Variants in FLVCR2 observed in about 807,000 individuals in gnomAD.
FLVCR2 encodes the protein FLVCR choline and putative heme transporter 2.
FLVCR2 carries 38 observed loss-of-function variants against 48.9 expected under a neutral mutation model. The ratio of observed to expected loss-of-function variants is 0.78; its 90% confidence interval spans 0.60 to 1.02. The LOEUF is 1.02. FLVCR2 is among the 50% of genes least tolerant of loss of function. FLVCR2 has a pLI of 0.00. For missense variants in FLVCR2, 664 were observed against 663.3 expected (o/e 1.00, Z -0.01); for synonymous variants, 255 against 257.0 (o/e 0.99, Z 0.07).
At chr14:75,631,932 C>A in intron 3 of FLVCR2, 1 of 440,472 alleles carries the variant, frequency 2.3e-6, no homozygotes. Flanking sequence ...TGTTTGGGGA[C>A]ATGTCTGGGT....
intron 1 of FLVCR2, among the ~76,000 whole-genome samples, chr14:75,612,184 C>A (rs1400854056): frequency 6.9e-6 from 1 of 144,530 alleles, no homozygotes; most frequent in African/African-American, 2.4e-5. Flanking sequence ...GTGCTTTGAG[C>A]ACAGTGTATC....
At chr14:75,605,499 T>G (rs1208443408) in intron 1 of FLVCR2, 10 of 1,527,840 alleles carry the variant, frequency 6.5e-6, no homozygotes, top group Non-Finnish European at 7.9e-6. Flanking sequence ...CATCTTTCCT[T>G]TTTCATGCTG....
chr14:75,629,684 T>TA (rs1889992508), intron 3 of FLVCR2, among the ~76,000 whole-genome samples: 1 of 152,256 alleles, frequency 6.6e-6, no homozygotes, highest in Non-Finnish European at 1.5e-5. Flanking sequence ...AATGTCTTAT[T>TA]ATCAATGGCA....
In FLVCR2 at chr14:75,624,363, A is replaced by G. The variant is rs1889841227; in HGVS notation, c.812-249A>G. Among the ~76,000 whole-genome samples, 3 of 152,186 alleles carry G rather than the reference A, an allele frequency of 2.0e-5. 1 individual carries two copies. The highest frequency in any genetic ancestry group is 7.2e-5 in the African/African-American group (3 of 41,484). On this transcript the variant is annotated intron_variant, in intron 2 of 9. Transcript: ENST00000238667. ...GCGAGACTCCGTCTCAAAAAAAATAAAGAAAAAAAAAAAGAAAATGGCATA... is the reference window on the plus strand; with the variant it reads ...GCGAGACTCCGTCTCAAAAAAAATAGAGAAAAAAAAAAAGAAAATGGCATA...
chr14:75,633,543 C>G, intron 3 of FLVCR2, 86 bp from the exon 4 acceptor site: 1 of 1,053,576 alleles, frequency 9.5e-7, no homozygotes. Context: ...GGATTTCTGC[C>G]CACCCCCCAA....
At chr14:75,612,826 A>G (rs186188568) in intron 1 of FLVCR2, among the ~76,000 whole-genome samples, 1 of 152,308 alleles carries the variant, frequency 6.6e-6, no homozygotes, top group Non-Finnish European at 1.5e-5. Context: ...ACATGTCCCA[A>G]GGTAGCTTGC....
chr14:75,609,480 G>A (rs1005128912), intron 1 of FLVCR2, among the ~76,000 whole-genome samples: 3 of 152,202 alleles, frequency 2.0e-5, no homozygotes, highest in African/African-American at 7.2e-5. Flanking sequence ...TTTGGTGTAA[G>A]CTTGAGATTT....
intron 1 of FLVCR2, among the ~76,000 whole-genome samples, chr14:75,620,035 T>A (rs1399040207): frequency 6.6e-6 from 1 of 152,206 alleles, no homozygotes; most frequent in Non-Finnish European, 1.5e-5. Flanking sequence ...GTCTGTATCT[T>A]TCCTCACTCT....
At chr14:75,596,413 A>G (rs1438170226) in intron 1 of FLVCR2, among the ~76,000 whole-genome samples, 1 of 152,214 alleles carries the variant, frequency 6.6e-6, no homozygotes, top group Non-Finnish European at 1.5e-5. Context: ...AAGCAGGCCT[A>G]GTAAAAATGA....
intron 2 of FLVCR2, 49 bp downstream of exon 2, chr14:75,622,269 G>A: frequency 6.3e-7 from 1 of 1,583,444 alleles, no homozygotes; most frequent in East Asian, 2.2e-5. Context: ...AAGGGGCAGG[G>A]AGATTCTGCT....
At chr14:75,593,064 G>C (rs189682551) in intron 1 of FLVCR2, among the ~76,000 whole-genome samples, 1 of 152,294 alleles carries the variant, frequency 6.6e-6, no homozygotes, top group East Asian at 1.9e-4. Context: ...TCTCTGAGAA[G>C]TTCCAAACGT....
Position 75,641,914 on chromosome 14 carries a change from C to A in FLVCR2, c.1509+16C>A. 2 of 1,612,398 alleles carry A rather than the reference C, an allele frequency of 1.2e-6. No individual in the cohort carries two copies. The highest frequency in any genetic ancestry group is 2.2e-5 in the East Asian group (1 of 44,882). On this transcript the variant is annotated intron_variant, in intron 9 of 9. Transcript: ENST00000238667. The stretch of plus-strand genomic sequence containing the variant: ...TCTTGAGAACGTGAGTATATGGGAG[C>A]TTTGTGGGGCTGAGATCGGGGTCCA...
chr14:75,623,567 C>T lies in FLVCR2; in HGVS notation c.812-1045C>T, dbSNP rs111372514. On this transcript the variant is annotated intron_variant, in intron 2 of 9. Coordinates refer to ENST00000238667, the MANE Select transcript of FLVCR2 (RefSeq NM_017791.3). ...TATATAATTGGGTACCTCATTCAACCGTTCTCATTGCATTGTTCCCCACCA... is the reference window on the plus strand; with the variant it reads ...TATATAATTGGGTACCTCATTCAACTGTTCTCATTGCATTGTTCCCCACCA... Among the ~76,000 whole-genome samples, 653 of 152,134 alleles carry T rather than the reference C, an allele frequency of 4.3e-3. 8 individuals are homozygous for T. Among genetic ancestry groups the T allele is most frequent in the African/African-American group, 0.015 (615 of 41,508 alleles).
At chr14:75,611,389 G>A (rs1168481785) in intron 1 of FLVCR2, among the ~76,000 whole-genome samples, 1 of 152,138 alleles carries the variant, frequency 6.6e-6, no homozygotes, top group Non-Finnish European at 1.5e-5. Context: ...AGTTTTGCCA[G>A]GAGAAGCTGT....
intron 1 of FLVCR2, among the ~76,000 whole-genome samples, chr14:75,581,209 G>A (rs1461812035): frequency 1.3e-5 from 2 of 152,126 alleles, no homozygotes; most frequent in South Asian, 2.1e-4. Context: ...GAAACTAAAC[G>A]GAAGACACAA....
At position 75,579,570 on chromosome 14, in the gene FLVCR2, C is replaced by A. The variant is rs1281795915; in HGVS notation, c.598C>A (p.Arg200Ser). 3 of 1,614,028 alleles carry A rather than the reference C, an allele frequency of 1.9e-6. No homozygotes were observed. The East Asian group carries it at 6.7e-5, about 36-fold the overall frequency. The change falls in exon 1 of 10, where the codon CGC becomes AGC. Residue 200 changes from arginine to serine, a missense_variant. Coordinates refer to ENST00000238667, the MANE Select transcript of FLVCR2 (RefSeq NM_017791.3). Reference sequence around the variant, plus strand: ...GGTTTTCATCCTGGGCATGCCCTCCCGCATCGCTTCCGTCTGGTTCGGGGC... The same window carrying A: ...GGTTTTCATCCTGGGCATGCCCTCCAGCATCGCTTCCGTCTGGTTCGGGGC... Reference protein sequence around the residue: ...AQVFILGMPSRIASVWFGANE... With the variant: ...AQVFILGMPSSIASVWFGANE...
Position 75,639,381 on chromosome 14 carries a change from CACTGGTGGGCATGGTGGTGTA to C in FLVCR2, c.1155_1175del (p.Leu386_Tyr392del), listed in dbSNP as rs758279594. On this transcript the variant is annotated inframe_deletion, in exon 6 of 10. Coordinates refer to ENST00000238667, the MANE Select transcript of FLVCR2 (RefSeq NM_017791.3). ...ACAACCCTGGTAGTCTATATCATGA[CACTGGTGGGCATGGTGGTGTA>C]CACGTTTACCTTGAACCTGGGACAC... 1 of 1,613,836 alleles carries C rather than the reference CACTGGTGGGCATGGTGGTGTA, an allele frequency of 6.2e-7. No individual in the cohort carries two copies.
At chr14:75,624,869 T>C in intron 3 of FLVCR2, 117 bp downstream of exon 3, 1 of 1,302,086 alleles carries the variant, frequency 7.7e-7, no homozygotes, top group Non-Finnish European at 1.1e-6. Context: ...AGCTGTTGTC[T>C]AGGGTCAATC....
At position 75,641,248 on chromosome 14, in the gene FLVCR2, AAC is replaced by A. The variant is rs1890302843; in HGVS notation, c.1410_1411del (p.Ile471LeufsTer17). ...IIDNYGTKPG[N>X]IFLCVFLTLG... ...TGACAACTATGGAACCAAGCCTGGGAACATCTTCCTGTGTGTGTTCCTTACTC... is the reference window on the plus strand; with the variant it reads ...TGACAACTATGGAACCAAGCCTGGGAATCTTCCTGTGTGTGTTCCTTACTC... On this transcript the variant is annotated frameshift_variant, in exon 8 of 10. Coordinates refer to ENST00000238667, the MANE Select transcript of FLVCR2 (RefSeq NM_017791.3). LOFTEE classifies it high-confidence loss of function. 1 of 1,613,936 alleles carries A rather than the reference AAC, an allele frequency of 6.2e-7. No individual in the cohort carries two copies.
Sources: allele counts gnomAD v4.1 joint callset (sites outside exome capture counted in the v4.1 genomes callset), GRCh38; gene constraint gnomAD v4.1.1; transcripts MANE v1.5; gene names NCBI Gene and HGNC (gene_info 2026-07-23, HGNC 2026-07-21).